The following PARP14 variants were observed in gnomAD, a reference collection of about 807,000 sequenced individuals.
PARP14 encodes the protein protein mono-ADP-ribosyltransferase PARP14.
In PARP14, 59 loss-of-function variants were observed where a neutral mutation model predicts 154.2. The observed-to-expected ratio is 0.38, with a 90% CI of 0.31 to 0.48. The LOEUF (loss-of-function observed/expected upper bound fraction) is 0.48, where lower values mean the gene tolerates loss of function less well. PARP14 is among the 20% of genes least tolerant of loss of function. PARP14 has a pLI of 0.98. For synonymous variants in PARP14, 720 were observed against 780.5 expected (o/e 0.92, Z 1.29); for missense variants, 1,734 against 2,131.6 (o/e 0.81, Z 3.67).
Position 122,701,098 on chromosome 3 carries a change from C to A in PARP14, c.2544C>A (p.Asp848Glu). 1 of 1,614,004 alleles carries A rather than the reference C, an allele frequency of 6.2e-7. No individual in the cohort carries two copies. ...CAGCTGGCCCTGAGCTCCAGGCCGA[C>A]TGTGACCAGATAGTGAAGAGAGAGG... is the stretch of plus-strand genomic sequence containing the variant. ...SKAAGPELQA[D>E]CDQIVKREGR... Residue 848 changes from aspartate (D) to glutamate (E), a missense_variant, in exon 6 of 17, where the codon GAC becomes GAA. By Grantham distance (45) the Asp-to-Glu change is conservative. This residue lies in a region of PARP14 where 1,646 missense variants were observed against 1,976.0 expected (regional missense o/e 0.83). Coordinates refer to ENST00000474629, the MANE Select transcript of PARP14 (RefSeq NM_017554.3). The surrounding 1 kb of genome is among the most constrained non-coding windows in gnomAD (Gnocchi z 4.0).
rs535685547 is a variant in PARP14 at position 122,730,569 on chromosome 3, A to C, written c.*1972A>C. The C allele has an allele frequency of 5.9e-5, 9 of 152,186 alleles. No individual in the cohort carries two copies. The highest frequency in any genetic ancestry group is 8.8e-5 in the Non-Finnish European group (6 of 67,960). 9.4% of individuals were successfully genotyped at this position (152,186 alleles called of 1,614,324 possible). A position where few individuals can be genotyped will look rare whatever the true frequency, so the allele number is the denominator to read the frequency against. On this transcript the variant is annotated 3_prime_UTR_variant, in exon 17 of 17. Transcript: ENST00000474629. ...GTTTGTTTTTTAAGTGGATTGGCAG[A>C]CTCCTTGTTGCTTAAGAGTGGCTTT...
chr3:122,724,956 C>G (rs188690241), intron 15 of PARP14, among the ~76,000 whole-genome samples: 1 of 152,070 alleles, frequency 6.6e-6, no homozygotes, highest in East Asian at 1.9e-4. Flanking sequence ...TCAGAGAGCA[C>G]GGGGTTGGGG....
chr3:122,686,005 CAATTG>C (rs926897465), intron 2 of PARP14, among the ~76,000 whole-genome samples: 3 of 151,952 alleles, frequency 2.0e-5, no homozygotes, highest in African/African-American at 7.3e-5. Context: ...AGTATTACCC[CAATTG>C]TAAAATGGAA....
Position 122,728,411 on chromosome 3 carries a change from T to A in PARP14, c.5220T>A (p.Tyr1740Ter). 6.2e-7 allele frequency: 1 copy of A among 1,613,780 alleles called. No homozygotes were observed. Among genetic ancestry groups the A allele is most frequent in the Non-Finnish European group, 8.5e-7 (1 of 1,179,650 alleles). Residue 1740 changes from tyrosine (Y) to a stop codon, truncating the protein, a stop_gained, in exon 17 of 17, where the codon TAT becomes TAA. Transcript: ENST00000474629. LOFTEE classifies it low-confidence loss of function (END_TRUNC). ...CAAATGGGAGAAAGCATGTGTATTA[T>A]GTGCGAGTACTTACTGGAATCTATA... is the stretch of plus-strand genomic sequence containing the variant. ...PDANGRKHVY[Y>*]VRVLTGIYTH...
chr3:122,719,544 A>G (rs16833451), intron 14 of PARP14, among the ~76,000 whole-genome samples: 13,453 of 152,294 alleles, frequency 0.088, 686 homozygotes, highest in East Asian at 0.13. Flanking sequence ...TGTCTTGTGT[A>G]GGCAGCCCTT....
intron 14 of PARP14, among the ~76,000 whole-genome samples, chr3:122,719,381 C>G (rs1488288797): frequency 2.0e-5 from 3 of 152,168 alleles, no homozygotes; most frequent in Non-Finnish European, 4.4e-5. Context: ...TGTGCCCTCT[C>G]TGTGTCTGAC....
intron 12 of PARP14, among the ~76,000 whole-genome samples, chr3:122,716,882 G>A (rs2063516): frequency 0.2 from 30,081 of 152,096 alleles, 3,081 homozygotes; most frequent in Middle Eastern, 0.26. Flanking sequence ...TATTTCACCT[G>A]TTGATCACCT....
chr3:122,728,317 A>G lies in PARP14; in HGVS notation c.5126A>G (p.Tyr1709Cys). 1 of 1,612,196 alleles carries G rather than the reference A, an allele frequency of 6.2e-7. No individual in the cohort carries two copies. Among genetic ancestry groups the G allele is most frequent in the Non-Finnish European group, 8.5e-7 (1 of 1,178,204 alleles). The change falls in exon 17 of 17, where the codon TAT becomes TGT. Residue 1709 changes from tyrosine to cysteine, a missense_variant. By Grantham distance (194) the Tyr-to-Cys change is radical. This residue lies in a region of PARP14 where 88 missense variants were observed against 155.6 expected (regional missense o/e 0.57). Transcript: ENST00000474629. ...GTTTTTCTTTTCACAGCTGTGGCAT[A>G]TGGAAAGGGAACCTATTTTGCTGTC... ...RSYAGKNAVAYGKGTYFAVNA... is the reference protein window; with the variant it reads ...RSYAGKNAVACGKGTYFAVNA...
chr3:122,719,486 C>T (rs930473698), intron 14 of PARP14, among the ~76,000 whole-genome samples: 4 of 152,324 alleles, frequency 2.6e-5, no homozygotes, highest in East Asian at 3.9e-4. Context: ...TGGCAGGAAG[C>T]AGGCTTCAGA....
chr3:122,704,568 G>C lies in PARP14; in HGVS notation c.3360G>C (p.Glu1120Asp). 6.2e-7 allele frequency: 1 copy of C among 1,608,504 alleles called. No homozygotes were observed. Among genetic ancestry groups the C allele is most frequent in the East Asian group, 2.2e-5 (1 of 44,810 alleles). ...DIIRECMEITESLSLKSIAFP... is the reference protein window; with the variant it reads ...DIIRECMEITDSLSLKSIAFP... ...TCAGAGAATGTATGGAGATCACTGA[G>C]AGCTTGTCCTTAAAATCAATTGCAT... The change falls in exon 8 of 17, where the codon GAG becomes GAC. Residue 1120 changes from glutamate to aspartate, a missense_variant. By Grantham distance (45) the Glu-to-Asp change is conservative. Coordinates refer to ENST00000474629, the MANE Select transcript of PARP14 (RefSeq NM_017554.3).
intron 12 of PARP14, among the ~76,000 whole-genome samples, chr3:122,715,608 A>ATCTATCTG (rs2107652164): frequency 8.5e-6 from 1 of 117,430 alleles, no homozygotes; most frequent in East Asian, 2.3e-4. Context: ...CTATCTATCT[A>ATCTATCTG]TCTATCTATC....
At position 122,728,788 on chromosome 3, in the gene PARP14, A is replaced by G. The variant is rs965568654; in HGVS notation, c.*191A>G. 30 of 560,840 alleles carry G rather than the reference A, an allele frequency of 5.3e-5. No individual in the cohort carries two copies. The highest frequency in any genetic ancestry group is 4.7e-4 in the Middle Eastern group (1 of 2,140). 34.7% of individuals were successfully genotyped at this position (560,840 alleles called of 1,614,324 possible). A position where few individuals can be genotyped will look rare whatever the true frequency, so the allele number is the denominator to read the frequency against. On this transcript the variant is annotated 3_prime_UTR_variant, in exon 17 of 17. Transcript: ENST00000474629. ...AATGAACTTATTATCTTGAGAGCAA[A>G]TAACTTGGAAAATTTAAATGAGATA...
chr3:122,682,126 T>C (rs1227852514), intron 1 of PARP14, among the ~76,000 whole-genome samples: 1 of 152,182 alleles, frequency 6.6e-6, no homozygotes, highest in East Asian at 1.9e-4. Flanking sequence ...GCTTGGCTCA[T>C]GGCCCTTATG....
At chr3:122,725,984 T>C (rs1379682815) in intron 15 of PARP14, among the ~76,000 whole-genome samples, 1 of 152,214 alleles carries the variant, frequency 6.6e-6, no homozygotes, top group Non-Finnish European at 1.5e-5. Flanking sequence ...CCTTGACTTA[T>C]TGAACTGTAA....
intron 15 of PARP14, 148 bp downstream of exon 15, chr3:122,720,536 C>A: frequency 1.4e-6 from 1 of 725,564 alleles, no homozygotes; most frequent in Non-Finnish European, 2.4e-6. Context: ...CTAGATTCTA[C>A]TCATGTGACC....
At chr3:122,690,037 T>G (rs1182999374) in intron 3 of PARP14, among the ~76,000 whole-genome samples, 2 of 152,222 alleles carry the variant, frequency 1.3e-5, no homozygotes, top group Non-Finnish European at 2.9e-5. Flanking sequence ...CAAGACCTGC[T>G]GAACTTCCTC....
intron 3 of PARP14, among the ~76,000 whole-genome samples, chr3:122,691,612 T>C (rs1938541619): frequency 6.6e-6 from 1 of 152,190 alleles, no homozygotes; most frequent in Non-Finnish European, 1.5e-5. Flanking sequence ...CTTGCTTTCC[T>C]CCAGTGACCC....
At chr3:122,703,200 T>C (rs1018511596) in intron 6 of PARP14, among the ~76,000 whole-genome samples, 1 of 152,116 alleles carries the variant, frequency 6.6e-6, no homozygotes, top group Non-Finnish European at 1.5e-5. Flanking sequence ...CTAGCCCGAT[T>C]AATCTGCTCA....
At chr3:122,724,215 C>T (rs943530461) in intron 15 of PARP14, among the ~76,000 whole-genome samples, 6 of 151,886 alleles carry the variant, frequency 4.0e-5, no homozygotes, top group African/African-American at 1.2e-4. Flanking sequence ...TCGTGTGTTG[C>T]GTGTGTTCAC....
Sources: allele counts gnomAD v4.1 joint callset (sites outside exome capture counted in the v4.1 genomes callset), GRCh38; gene constraint gnomAD v4.1.1; regional missense constraint gnomAD v4.1.1; non-coding constraint Gnocchi (gnomAD v3.1); transcripts MANE v1.5; gene names NCBI Gene and HGNC (gene_info 2026-07-23, HGNC 2026-07-21).